Variants in SBNO1 observed in about 807,000 individuals in gnomAD.
The protein encoded by SBNO1 is protein strawberry notch homolog 1.
SBNO1 carries 23 observed loss-of-function variants against 173.6 expected under a neutral mutation model. The ratio of observed to expected loss-of-function variants is 0.13; its 90% CI spans 0.10 to 0.19. SBNO1 has a LOEUF of 0.19. Ranked by LOEUF, SBNO1 falls within the 10% of genes least tolerant of loss-of-function variation. The pLI is 1.00. For synonymous variants in SBNO1, 632 were observed against 571.5 expected, an observed-to-expected ratio of 1.11 and a Z score of -1.51; for missense variants, 1,238 against 1,671.2, an observed-to-expected ratio of 0.74 and a Z score of 4.52.
chr12:123,350,201 C>A, intron 2 of SBNO1, 109 bp downstream of exon 2: 1 of 1,275,216 alleles, frequency 7.8e-7, no homozygotes, highest in Non-Finnish European at 1.1e-6. Context: ...CTTCAGTAAG[C>A]CATGACTGCA....
chr12:123,345,261 C>T lies in SBNO1; in HGVS notation c.547G>A (p.Ala183Thr). Reference protein sequence around the residue: ...ANIAQPVATAATDVSNGTVKK... With the variant: ...ANIAQPVATATTDVSNGTVKK... ...ATACTATTGAAAACAGACTTACTAG[C>T]TGCTGTTGCTACTGGCTGAGCAATA... The change falls in exon 4 of 32, where the codon GCT (alanine) becomes ACT (threonine). Residue 183 changes from alanine to threonine, a missense_variant. Transcript: ENST00000602398. 1 of 1,611,786 alleles carries T rather than the reference C, an allele frequency of 6.2e-7. No homozygotes were observed. Among genetic ancestry groups the T allele is most frequent in the Non-Finnish European group, 8.5e-7 (1 of 1,178,078 alleles).
intron 4 of SBNO1, among the ~76,000 whole-genome samples, chr12:123,343,521 A>G (rs1593397469): frequency 6.6e-6 from 1 of 151,340 alleles, no homozygotes; most frequent in East Asian, 1.9e-4. Context: ...GCTTGTCTTC[A>G]GCATTCACTT....
At chr12:123,358,138 TAC>T (rs1454418243) in intron 1 of SBNO1, among the ~76,000 whole-genome samples, 2 of 152,220 alleles carry the variant, frequency 1.3e-5, no homozygotes, top group African/African-American at 4.8e-5. Flanking sequence ...AAACACAAAA[TAC>T]ACTTATGTTT....
At chr12:123,323,009 A>T (rs182348899) in intron 16 of SBNO1, among the ~76,000 whole-genome samples, 1 of 152,340 alleles carries the variant, frequency 6.6e-6, no homozygotes, top group Admixed American at 6.5e-5. Flanking sequence ...TGCATCATTA[A>T]CTATCTCTGT....
At chr12:123,314,188 G>C (rs1378933007) in intron 23 of SBNO1, among the ~76,000 whole-genome samples, 1 of 151,886 alleles carries the variant, frequency 6.6e-6, no homozygotes, top group African/African-American at 2.4e-5. Context: ...TTTTTTTGGA[G>C]ACAGAGTTTT....
chr12:123,358,977 G>A (rs1245963358), intron 1 of SBNO1, among the ~76,000 whole-genome samples: 2 of 151,676 alleles, frequency 1.3e-5, no homozygotes, highest in Non-Finnish European at 2.9e-5. Context: ...CTGTCACCCA[G>A]GATGGAGGGC....
chr12:123,307,903 C>T (rs1373050146), intron 28 of SBNO1, among the ~76,000 whole-genome samples: 4 of 152,152 alleles, frequency 2.6e-5, no homozygotes, highest in Non-Finnish European at 5.9e-5. Context: ...GAAACCCTGT[C>T]TCTACTAAAA....
intron 16 of SBNO1, among the ~76,000 whole-genome samples, chr12:123,322,927 TACTGAA>T (rs929554619): frequency 6.6e-5 from 10 of 151,676 alleles, no homozygotes; most frequent in South Asian, 2.1e-4. Flanking sequence ...TAAAGAAAAC[TACTGAA>T]ACACCCAGCT....
intron 1 of SBNO1, among the ~76,000 whole-genome samples, chr12:123,358,996 G>A (rs183759006): frequency 4.0e-5 from 6 of 151,666 alleles, no homozygotes; most frequent in Admixed American, 6.6e-5. Context: ...GCAGAGGCGA[G>A]ATCTTGGCTC....
intron 3 of SBNO1, among the ~76,000 whole-genome samples, chr12:123,346,313 C>T (rs1451107170): frequency 1.3e-5 from 2 of 152,166 alleles, no homozygotes; most frequent in African/African-American, 4.8e-5. Flanking sequence ...CACTTTTTTC[C>T]TCCTCAACAC....
intron 23 of SBNO1, among the ~76,000 whole-genome samples, chr12:123,314,711 C>T (rs901926008): frequency 6.6e-6 from 1 of 151,944 alleles, no homozygotes; most frequent in Non-Finnish European, 1.5e-5. Flanking sequence ...GATCTCGGCT[C>T]ACTGCAACCT....
chr12:123,357,071 T>C (rs1874543891), intron 1 of SBNO1, among the ~76,000 whole-genome samples: 2 of 150,354 alleles, frequency 1.3e-5, no homozygotes, highest in South Asian at 2.1e-4. Flanking sequence ...GTCTACTGTG[T>C]GCAGTAGACA....
At chr12:123,356,817 A>G (rs1309717759) in intron 1 of SBNO1, among the ~76,000 whole-genome samples, 2 of 152,224 alleles carry the variant, frequency 1.3e-5, no homozygotes, top group Non-Finnish European at 2.9e-5. Context: ...TTGACCAATC[A>G]GTTACTAAAT....
Position 123,292,404 on chromosome 12 carries a change from A to G in SBNO1, c.*3504T>C, listed in dbSNP as rs770135850. 6.6e-6 allele frequency: 1 copy of G among 152,296 alleles called. No homozygotes were observed. The highest frequency in any genetic ancestry group is 1.9e-4 in the East Asian group (1 of 5,188). 9.4% of individuals were successfully genotyped at this position (152,296 alleles called of 1,614,324 possible). On this transcript the variant is annotated 3_prime_UTR_variant, in exon 32 of 32. Coordinates refer to ENST00000602398, the MANE Select transcript of SBNO1 (RefSeq NM_001167856.3). ...GAAGTGAGATGCAACAATCATTTCC[A>G]ATCTATTTTTTTATCTCATGCTAAA...
chr12:123,296,984 C>T (rs1384230587), intron 31 of SBNO1, among the ~76,000 whole-genome samples: 1 of 151,898 alleles, frequency 6.6e-6, no homozygotes, highest in Non-Finnish European at 1.5e-5. Flanking sequence ...AGGTGAACTA[C>T]CATGCCCAGC....
At chr12:123,353,651 G>A (rs965620892) in intron 1 of SBNO1, among the ~76,000 whole-genome samples, 2 of 152,076 alleles carry the variant, frequency 1.3e-5, no homozygotes, top group African/African-American at 4.8e-5. Context: ...AGACACATTT[G>A]ACCATACTTT....
chr12:123,302,522 G>C (rs1047328503), intron 30 of SBNO1, among the ~76,000 whole-genome samples: 1 of 152,150 alleles, frequency 6.6e-6, no homozygotes, highest in East Asian at 1.9e-4. Flanking sequence ...GGGATTACAG[G>C]CGTGAGCCAC....
intron 28 of SBNO1, among the ~76,000 whole-genome samples, 154 bp downstream of exon 28, chr12:123,309,155 AC>A (rs2048994709): frequency 6.6e-6 from 1 of 152,230 alleles, no homozygotes; most frequent in South Asian, 2.1e-4. Flanking sequence ...TAAAAACATA[AC>A]ACAAATGGAC....
intron 5 of SBNO1, among the ~76,000 whole-genome samples, chr12:123,339,556 C>T (rs1872281594): frequency 6.6e-6 from 1 of 152,010 alleles, no homozygotes; most frequent in African/African-American, 2.4e-5. Flanking sequence ...GGAGGCCGAG[C>T]TGGAGGGATC....
Sources: allele counts gnomAD v4.1 joint callset (sites outside exome capture counted in the v4.1 genomes callset), GRCh38; gene constraint gnomAD v4.1.1; transcripts MANE v1.5; gene names NCBI Gene and HGNC (gene_info 2026-07-23, HGNC 2026-07-21).